The following KANK1 variants were observed in gnomAD, a reference collection of about 807,000 sequenced individuals.
KANK1 encodes KN motif and ankyrin repeat domain-containing protein 1.
A neutral mutation model predicts 106.2 loss-of-function variants in KANK1; 109 were observed. The observed-to-expected ratio is 1.03, with a 90% CI of 0.88 to 1.20. The LOEUF (loss-of-function observed/expected upper bound fraction) is 1.20. Ranked by LOEUF, KANK1 falls within the 50% of genes most tolerant of loss-of-function variation. KANK1 has a pLI of 0.00. For missense variants in KANK1, 2,399 were observed against 1,710.7 expected (o/e 1.40, Z -7.10); for synonymous variants, 873 against 652.2 (o/e 1.34, Z -5.16).
intron 3 of KANK1, chr9:478,553 C>T (rs959211316): frequency 6.6e-6 from 1 of 152,398 alleles, no homozygotes; most frequent in African/African-American, 2.4e-5. Context: ...AATCTAATCA[C>T]AGCATAAGGA....
At chr9:703,095 G>A (rs1164978172) in intron 2 of KANK1, among the ~76,000 whole-genome samples, 2 of 152,028 alleles carry the variant, frequency 1.3e-5, no homozygotes, top group African/African-American at 2.4e-5. Flanking sequence ...AGGTTCAAGC[G>A]ATTCTCCTGC....
chr9:609,134 C>T (rs1830009340), intron 1 of KANK1, among the ~76,000 whole-genome samples: 2 of 152,116 alleles, frequency 1.3e-5, no homozygotes, highest in Middle Eastern at 3.4e-3. Flanking sequence ...AAAAGATTGT[C>T]CATAAATAGC....
chr9:652,161 C>A (rs1029390743), intron 1 of KANK1, among the ~76,000 whole-genome samples: 16 of 152,038 alleles, frequency 1.1e-4, no homozygotes. Context: ...TTAATTATTG[C>A]AAATATGTGT....
intron 1 of KANK1, among the ~76,000 whole-genome samples, chr9:660,550 G>T (rs891709328): frequency 6.6e-6 from 1 of 152,104 alleles, no homozygotes; most frequent in African/African-American, 2.4e-5. Flanking sequence ...AGCAGTAGGC[G>T]CCTGGCAGTG....
intron 1 of KANK1, among the ~76,000 whole-genome samples, chr9:574,544 T>G (rs1820040032): frequency 6.6e-6 from 1 of 152,178 alleles, no homozygotes; most frequent in Admixed American, 6.5e-5. Context: ...GGAAGCCTTT[T>G]TATTTGTAAT....
At chr9:734,214 C>T (rs1363362495) in intron 6 of KANK1, 4 of 152,142 alleles carry the variant, frequency 2.6e-5, no homozygotes, top group Non-Finnish European at 5.9e-5. Context: ...ATGTCACCCT[C>T]CCAAACAAGG....
intron 1 of KANK1, among the ~76,000 whole-genome samples, chr9:558,056 A>T (rs538748259): frequency 6.6e-6 from 1 of 152,338 alleles, no homozygotes; most frequent in African/African-American, 2.4e-5. Flanking sequence ...CAAGGAACCC[A>T]GGAGTGAAGA....
chr9:712,573 G>C lies in KANK1; in HGVS notation c.1807G>C (p.Gly603Arg), dbSNP rs766808090. The C allele has an allele frequency of 6.2e-7, 1 of 1,614,162 alleles. No homozygotes were observed. The highest frequency in any genetic ancestry group is 1.1e-5 in the South Asian group (1 of 91,080). Residue 603 changes from glycine (G) to arginine (R), a missense_variant, in exon 3 of 12, where the codon GGC becomes CGC. Transcript: ENST00000382297. ...TGTGGAAGTCAGCGTCTGCGAAACA[G>C]GCAGCAACACAGAGGAGTCTGTGAA... is the stretch of plus-strand genomic sequence containing the variant. ...VSVEVSVCETGSNTEESVNDL... is the reference protein window; with the variant it reads ...VSVEVSVCETRSNTEESVNDL...
intron 3 of KANK1, among the ~76,000 whole-genome samples, chr9:494,104 A>G (rs900151528): frequency 6.6e-6 from 1 of 150,472 alleles, no homozygotes; most frequent in Admixed American, 6.6e-5. Context: ...GCTGGTCTGG[A>G]ACTCCTGACC....
rs1337704381 is a variant in KANK1, at chr9:742,374, A to C, written c.3866A>C (p.Gln1289Pro). ...GAGATTGTCAAGCTGCTGCTGGCCC[A>C]GCCCGGCTGCAACGGTCACCTAGAG... is the stretch of plus-strand genomic sequence containing the variant. Reference protein sequence around the residue: ...HVEIVKLLLAQPGCNGHLEDN... With the variant: ...HVEIVKLLLAPPGCNGHLEDN... Residue 1289 changes from glutamine to proline, a missense_variant, in exon 10 of 12, where the codon CAG becomes CCG. By Grantham distance (76) the Gln-to-Pro change is moderately conservative. Coordinates refer to ENST00000382297, the MANE Select transcript of KANK1 (RefSeq NM_015158.5). 4 of 1,613,968 alleles carry C rather than the reference A, an allele frequency of 2.5e-6. No homozygotes were observed. In the African/African-American group the frequency reaches 5.3e-5, roughly 22 times the overall value.
chr9:745,188 G>A lies in KANK1; in HGVS notation c.4012G>A (p.Gly1338Arg), dbSNP rs754224970. The A allele has an allele frequency of 1.2e-6, 2 of 1,613,912 alleles. No individual in the cohort carries two copies. Among genetic ancestry groups the A allele is most frequent in the Non-Finnish European group, 1.7e-6 (2 of 1,179,982 alleles). ...TGGTCTCTAGGGCACCCCTAGGCTT[G>A]GAAGGAAGACGTCTCCTGGCCCCAC... ...KAQSPGTPRLGRKTSPGPTHR... is the reference protein window; with the variant it reads ...KAQSPGTPRLRRKTSPGPTHR... The change falls in exon 12 of 12, where the codon GGA becomes AGA. Residue 1338 changes from glycine (G) to arginine (R), a missense_variant. Physicochemically the swap from Gly to Arg is moderately radical, Grantham distance 125. Transcript: ENST00000382297.
intron 3 of KANK1, among the ~76,000 whole-genome samples, chr9:727,680 A>ATGTGTGTGTGTGTGTGTGTG (rs55997819): frequency 1.2e-4 from 17 of 139,764 alleles, no homozygotes; most frequent in African/African-American, 4.2e-4. Flanking sequence ...ATAACTTTTC[A>ATGTGTGTGTGTGTGTGTGTG]TGTGTGTGTG....
At chr9:657,979 G>T (rs774380942) in intron 1 of KANK1, among the ~76,000 whole-genome samples, 1 of 151,828 alleles carries the variant, frequency 6.6e-6, no homozygotes, top group South Asian at 2.1e-4. Context: ...CTACAGCCTC[G>T]AACTCCTGTC....
rs76984550 is a variant in KANK1 at position 620,306 on chromosome 9, A to C, written c.-83-56584A>C. Reference sequence around the variant, plus strand: ...CACCCTGTCTTGGAATAGGACATTAACTCTTCAACGATCTGCCCCCTAAAT... The same window carrying C: ...CACCCTGTCTTGGAATAGGACATTACCTCTTCAACGATCTGCCCCCTAAAT... On this transcript the variant is annotated intron_variant, in intron 1 of 11. Coordinates refer to ENST00000382297, the MANE Select transcript of KANK1 (RefSeq NM_015158.5). 5.3e-3 allele frequency among the ~76,000 whole-genome samples: 800 copies of C among 152,178 alleles called. 5 individuals carry two copies. The highest frequency in any genetic ancestry group is 0.018 in the African/African-American group (758 of 41,502).
At chr9:687,864 T>C (rs995055556) in intron 2 of KANK1, among the ~76,000 whole-genome samples, 1 of 152,244 alleles carries the variant, frequency 6.6e-6, no homozygotes, top group Non-Finnish European at 1.5e-5. Flanking sequence ...GCGTCACTAA[T>C]CTTATAAACT....
intron 1 of KANK1, among the ~76,000 whole-genome samples, chr9:620,284 C>A (rs1344513926): frequency 2.0e-5 from 3 of 152,156 alleles, no homozygotes; most frequent in African/African-American, 7.2e-5. Context: ...CCTTTCCCAC[C>A]CTGTCTTGGA....
chr9:681,991 T>C (rs1319985689), intron 2 of KANK1, among the ~76,000 whole-genome samples: 1 of 152,168 alleles, frequency 6.6e-6, no homozygotes, highest in African/African-American at 2.4e-5. Flanking sequence ...CATTAAAATG[T>C]TATTTAGGCT....
intron 1 of KANK1, among the ~76,000 whole-genome samples, chr9:629,306 C>T (rs1835108242): frequency 6.6e-6 from 1 of 152,104 alleles, no homozygotes; most frequent in African/African-American, 2.4e-5. Flanking sequence ...GCTTGATCAC[C>T]TGCTAAGACA....
chr9:726,817 A>G (rs1445886991), intron 3 of KANK1, among the ~76,000 whole-genome samples: 2 of 151,892 alleles, frequency 1.3e-5, no homozygotes, highest in African/African-American at 4.8e-5. Context: ...AAAATTAGCC[A>G]GGCATGGTGG....
Sources: gnomAD v4.1 joint callset for allele counts (sites outside exome capture counted in the v4.1 genomes callset) on GRCh38, gnomAD v4.1.1 for gene constraint, MANE v1.5 for transcripts, NCBI Gene and HGNC (gene_info 2026-07-23, HGNC 2026-07-21) for gene names.